The following MAP3K7 variants were observed in gnomAD, a reference collection of about 807,000 sequenced individuals.
MAP3K7 encodes the protein mitogen-activated protein kinase kinase kinase 7.
Under a neutral mutation model 84.8 loss-of-function variants are expected in MAP3K7, and 21 were observed. The ratio of observed to expected loss-of-function variants is 0.25; its 90% confidence interval spans 0.18 to 0.36. The LOEUF (loss-of-function observed/expected upper bound fraction) is 0.36, where lower values mean the gene tolerates loss of function less well. Ranked by LOEUF, MAP3K7 falls within the 10% of genes least tolerant of loss-of-function variation. The pLI is 1.00. For missense variants in MAP3K7, 503 were observed against 747.7 expected, an observed-to-expected ratio of 0.67 and a Z score of 3.82; for synonymous variants, 241 against 247.7, an observed-to-expected ratio of 0.97 and a Z score of 0.25.
chr6:90,542,007 A>G (rs1775869143), intron 12 of MAP3K7, among the ~76,000 whole-genome samples: 1 of 152,032 alleles, frequency 6.6e-6, no homozygotes, highest in Non-Finnish European at 1.5e-5. Flanking sequence ...AAAAAGCTAT[A>G]TTTAAAAAGA....
chr6:90,546,299 C>A (rs1227860539), intron 11 of MAP3K7, among the ~76,000 whole-genome samples: 1 of 151,236 alleles, frequency 6.6e-6, no homozygotes, highest in Non-Finnish European at 1.5e-5. Flanking sequence ...AGAAAAAAAC[C>A]AAATAAGTGA....
intron 4 of MAP3K7, 122 bp downstream of exon 4, chr6:90,561,500 A>G: frequency 4.9e-6 from 3 of 609,454 alleles, no homozygotes; most frequent in Non-Finnish European, 5.7e-6. Flanking sequence ...GATTTTTAAA[A>G]ATTATGCCCT....
At chr6:90,581,811 GT>G (rs2127785856) in intron 1 of MAP3K7, among the ~76,000 whole-genome samples, 1 of 152,224 alleles carries the variant, frequency 6.6e-6, no homozygotes, top group Non-Finnish European at 1.5e-5. Context: ...TACTCAGTTT[GT>G]TTAGACCACT....
At chr6:90,581,458 A>G (rs1777269721) in intron 1 of MAP3K7, among the ~76,000 whole-genome samples, 1 of 152,206 alleles carries the variant, frequency 6.6e-6, no homozygotes, top group Non-Finnish European at 1.5e-5. Flanking sequence ...GAACTTCAAT[A>G]TCTATTAATA....
intron 8 of MAP3K7, chr6:90,551,843 G>T: frequency 2.3e-6 from 1 of 443,762 alleles, no homozygotes; most frequent in Non-Finnish European, 3.7e-6. Flanking sequence ...ACCTAGTCTA[G>T]CCATCTTTCC....
intron 5 of MAP3K7, 105 bp from the exon 6 acceptor site, chr6:90,556,729 A>G (rs1776349364): frequency 1.8e-6 from 2 of 1,127,048 alleles, no homozygotes. Context: ...AGCAAAATGA[A>G]TGTTATCATT....
intron 12 of MAP3K7, chr6:90,542,118 C>T: frequency 2.3e-6 from 1 of 441,214 alleles, no homozygotes; most frequent in Non-Finnish European, 3.0e-6. Flanking sequence ...TAGAACAAAA[C>T]AATTTCTAGA....
At chr6:90,543,871 GA>G in intron 12 of MAP3K7, among the ~76,000 whole-genome samples, 1 of 152,110 alleles carries the variant, frequency 6.6e-6, no homozygotes, top group Middle Eastern at 3.4e-3. Context: ...ATCACCATAA[GA>G]AATAAAGCAG....
intron 13 of MAP3K7, among the ~76,000 whole-genome samples, chr6:90,528,511 C>T (rs537335519): frequency 6.6e-6 from 1 of 152,248 alleles, no homozygotes; most frequent in South Asian, 2.1e-4. Flanking sequence ...CCATATAGTG[C>T]TAAAATTATA....
intron 5 of MAP3K7, among the ~76,000 whole-genome samples, chr6:90,558,567 T>A (rs1776409665): frequency 6.6e-6 from 1 of 152,112 alleles, no homozygotes; most frequent in Admixed American, 6.5e-5. Context: ...AGACCTTCTG[T>A]AAATATGTTA....
chr6:90,586,732 G>A (rs1330333138), intron 1 of MAP3K7, 32 bp downstream of exon 1: 2 of 1,553,712 alleles, frequency 1.3e-6, no homozygotes, highest in East Asian at 4.9e-5. Flanking sequence ...GGGCAGGCCG[G>A]GACCGGCGTC....
At chr6:90,537,191 T>C (rs1775708858) in intron 12 of MAP3K7, 1 of 152,026 alleles carries the variant, frequency 6.6e-6, no homozygotes, top group South Asian at 2.1e-4. Context: ...TGCAGTATCT[T>C]CTAACGTGAG....
chr6:90,530,598 A>G (rs935228387), intron 13 of MAP3K7, among the ~76,000 whole-genome samples: 2 of 152,180 alleles, frequency 1.3e-5, no homozygotes, highest in Admixed American at 1.3e-4. Flanking sequence ...TTAGACCAGC[A>G]CAGTTAGATT....
chr6:90,532,362 C>T (rs949539085), intron 13 of MAP3K7, among the ~76,000 whole-genome samples: 1 of 152,154 alleles, frequency 6.6e-6, no homozygotes, highest in Non-Finnish European at 1.5e-5. Context: ...GGCTGGCATA[C>T]AACATGGATT....
At chr6:90,523,919 CTT>C (rs771510381) in intron 13 of MAP3K7, 136 bp from the exon 14 acceptor site, 9 of 566,986 alleles carry the variant, frequency 1.6e-5, no homozygotes, top group South Asian at 1.3e-4. Context: ...TAAATCCTCT[CTT>C]ATATATATGT....
At chr6:90,570,659 T>C (rs1582232423) in intron 2 of MAP3K7, among the ~76,000 whole-genome samples, 1 of 152,218 alleles carries the variant, frequency 6.6e-6, no homozygotes, top group Admixed American at 6.5e-5. Context: ...GAGAACCATT[T>C]GATTTTTTAC....
intron 4 of MAP3K7, 36 bp downstream of exon 4, chr6:90,561,586 A>G (rs1562100902): frequency 2.7e-6 from 4 of 1,495,364 alleles, no homozygotes; most frequent in Non-Finnish European, 3.7e-6. Flanking sequence ...AAATTATTTT[A>G]ATCCACTAGA....
chr6:90,557,869 T>A (rs1009992573), intron 5 of MAP3K7, among the ~76,000 whole-genome samples: 2 of 152,176 alleles, frequency 1.3e-5, no homozygotes, highest in Non-Finnish European at 2.9e-5. Flanking sequence ...TAATTTCTAA[T>A]GTAAATGTGA....
intron 1 of MAP3K7, among the ~76,000 whole-genome samples, chr6:90,579,969 C>T (rs1777215237): frequency 1.3e-5 from 2 of 152,184 alleles, no homozygotes; most frequent in Non-Finnish European, 2.9e-5. Context: ...TAAAACAGCA[C>T]TCCACTGACT....
Sources: allele counts gnomAD v4.1 joint callset (sites outside exome capture counted in the v4.1 genomes callset), GRCh38; gene constraint gnomAD v4.1.1; transcripts MANE v1.5; gene names NCBI Gene and HGNC (gene_info 2026-07-23, HGNC 2026-07-21).